Variants in FHL3 observed in about 807,000 individuals in gnomAD.
The protein encoded by FHL3 is four and a half LIM domains 3, also known as four and a half LIM domains protein 3.
Under a neutral mutation model 34.3 loss-of-function variants are expected in FHL3, and 21 were observed. The observed-to-expected ratio is 0.61, with a 90% confidence interval of 0.43 to 0.88. FHL3 has a LOEUF of 0.88. Among genes scored for constraint, FHL3 ranks in the 40% least tolerant of loss-of-function variants. FHL3 has a pLI of 0.00. For synonymous variants in FHL3, 137 were observed against 144.6 expected, an observed-to-expected ratio of 0.95 and a Z score of 0.38; for missense variants, 333 against 373.7, an observed-to-expected ratio of 0.89 and a Z score of 0.90.
In FHL3 at chr1:37,997,247, G is replaced by A; in HGVS notation, c.*158C>T. On this transcript the variant is annotated 3_prime_UTR_variant, in exon 6 of 6. Transcript: ENST00000373016. The surrounding 1 kb of genome is among the most constrained non-coding windows in gnomAD (Gnocchi z 4.3). ...CAGGTTTGGGGCCCTGGGTCAGGGA[G>A]TACCAGTTTGGGGATGCTGGAGTGG... 1 of 759,200 alleles carries A rather than the reference G, an allele frequency of 1.3e-6. No individual in the cohort carries two copies. Among genetic ancestry groups the A allele is most frequent in the Non-Finnish European group, 2.2e-6 (1 of 461,862 alleles). 47.0% of individuals were successfully genotyped at this position (759,200 alleles called of 1,614,324 possible).
At chr1:37,998,501 T>G (rs1179398764) in intron 3 of FHL3, among the ~76,000 whole-genome samples, 1 of 152,090 alleles carries the variant, frequency 6.6e-6, no homozygotes, top group Non-Finnish European at 1.5e-5. Flanking sequence ...ACCAGGCAAG[T>G]AAGTATCTGC....
rs183333076 is a variant in FHL3 at position 37,997,081 on chromosome 1, G to A, written c.*324C>T. ...GATTTAAGGGGGCCTAAGTCCCAGA[G>A]TCCAGGTTTGGAGGGCTCGGGTCTA... On this transcript the variant is annotated 3_prime_UTR_variant, in exon 6 of 6. Transcript: ENST00000373016. This position sits in a 1 kb window ranked among gnomAD's most constrained non-coding sequence, Gnocchi z 4.3. 3.8e-6 allele frequency: 1 copy of A among 263,516 alleles called. No homozygotes were observed. Among genetic ancestry groups the A allele is most frequent in the East Asian group, 8.1e-5 (1 of 12,274 alleles). 16.3% of individuals were successfully genotyped at this position (263,516 alleles called of 1,614,324 possible).
At chr1:38,000,972 G>A (rs1557763453) in intron 1 of FHL3, among the ~76,000 whole-genome samples, 1 of 152,184 alleles carries the variant, frequency 6.6e-6, no homozygotes, top group Non-Finnish European at 1.5e-5. Flanking sequence ...CAAGCTGAAG[G>A]AGAAGTCCTC....
At position 37,999,108 on chromosome 1, in the gene FHL3, A is replaced by C. The variant is rs374420389; in HGVS notation, c.197T>G (p.Phe66Cys). Residue 66 changes from phenylalanine (F) to cysteine (C), a missense_variant, in exon 3 of 6, where the codon TTC (phenylalanine) becomes TGC (cysteine). Coordinates refer to ENST00000373016, the MANE Select transcript of FHL3 (RefSeq NM_004468.5). The part of the protein sequence containing the change: ...YEDRHFHEGC[F>C]RCCRCQRSLA... Reference sequence around the variant, plus strand: ...TGAGCGCTGGCAGCGGCAGCAGCGGAAGCAGCCCTCGTGGAAATGGCGGTC... The same window carrying C: ...TGAGCGCTGGCAGCGGCAGCAGCGGCAGCAGCCCTCGTGGAAATGGCGGTC... The C allele has an allele frequency of 3.1e-6, 5 of 1,614,182 alleles. No homozygotes were observed. Among genetic ancestry groups the C allele is most frequent in the South Asian group, 2.2e-5 (2 of 91,084 alleles).
Position 37,999,113 on chromosome 1 carries a change from G to A in FHL3, c.192C>T (p.Gly64=). Residue 64 remains glycine, a synonymous_variant, in exon 3 of 6, where the codon GGC becomes GGT. Coordinates refer to ENST00000373016, the MANE Select transcript of FHL3 (RefSeq NM_004468.5). ...LFYEDRHFHE[G]CFRCCRCQRS... is the part of the protein sequence containing the mutation. ...GCTGGCAGCGGCAGCAGCGGAAGCA[G>A]CCCTCGTGGAAATGGCGGTCTTCAT... The A allele has an allele frequency of 3.7e-6, 6 of 1,614,220 alleles. No homozygotes were observed. Among genetic ancestry groups the A allele is most frequent in the Non-Finnish European group, 5.1e-6 (6 of 1,180,050 alleles).
chr1:38,004,529 C>G (rs962541592), intron 1 of FHL3, among the ~76,000 whole-genome samples: 2 of 152,192 alleles, frequency 1.3e-5, no homozygotes, highest in Non-Finnish European at 2.9e-5. Flanking sequence ...CTCAGCATCT[C>G]TGTGTCTGGG....
chr1:38,000,510 A>T, intron 1 of FHL3, among the ~76,000 whole-genome samples: 1 of 152,138 alleles, frequency 6.6e-6, no homozygotes. Context: ...CTCCCCAATC[A>T]GGCCCCATCT....
Position 37,999,077 on chromosome 1 carries a change from G to T in FHL3, c.228C>A (p.Ala76=). The T allele has an allele frequency of 1.2e-6, 2 of 1,614,210 alleles. No individual in the cohort carries two copies. Among genetic ancestry groups the T allele is most frequent in the Non-Finnish European group, 1.7e-6 (2 of 1,180,046 alleles). The stretch of plus-strand genomic sequence containing the variant: ...TGTCCTGGCAGGTGAAGGGTTCATC[G>T]GCTAGTGAGCGCTGGCAGCGGCAGC... ...FRCCRCQRSL[A]DEPFTCQDSE... is the part of the protein sequence containing the mutation. Residue 76 remains alanine, a synonymous_variant, in exon 3 of 6, where the codon GCC becomes GCA. Coordinates refer to ENST00000373016, the MANE Select transcript of FHL3 (RefSeq NM_004468.5).
Position 37,997,253 on chromosome 1 carries a change from G to T in FHL3, c.*152C>A. The T allele has an allele frequency of 1.2e-6, 1 of 807,938 alleles. No individual in the cohort carries two copies. The highest frequency in any genetic ancestry group is 2.0e-6 in the Non-Finnish European group (1 of 504,356). The allele number at this position is 807,938 out of a possible 1,614,324, so 50.0% of individuals were successfully genotyped here. A position where few individuals can be genotyped will look rare whatever the true frequency, so the allele number is the denominator to read the frequency against. On this transcript the variant is annotated 3_prime_UTR_variant, in exon 6 of 6. Coordinates refer to ENST00000373016, the MANE Select transcript of FHL3 (RefSeq NM_004468.5). This position sits in a 1 kb window ranked among gnomAD's most constrained non-coding sequence, Gnocchi z 4.3. ...TGGGGCCCTGGGTCAGGGAGTACCA[G>T]TTTGGGGATGCTGGAGTGGGGAGAC...
rs150352761 is a variant in FHL3, at chr1:37,998,838, G to A, written c.331+136C>T. ...GGAGTATACCAGGCAAACAGATCCC[G>A]TATATACTAAATTTCCAGAAACATG... On this transcript the variant is annotated intron_variant, in intron 3 of 5. Coordinates refer to ENST00000373016, the MANE Select transcript of FHL3 (RefSeq NM_004468.5). 65 of 862,972 alleles carry A rather than the reference G, an allele frequency of 7.5e-5. No homozygotes were observed. In the African/African-American group the frequency reaches 8.7e-4, roughly 12 times the overall value. 53.5% of individuals were successfully genotyped at this position (862,972 alleles called of 1,614,324 possible). A position where few individuals can be genotyped will look rare whatever the true frequency, so the allele number is the denominator to read the frequency against.
Position 37,998,029 on chromosome 1 carries a change from CTT to C in FHL3, c.433_434del (p.Lys145GlyfsTer10), listed in dbSNP as rs1557761608. On this transcript the variant is annotated frameshift_variant, in exon 4 of 6. Coordinates refer to ENST00000373016, the MANE Select transcript of FHL3 (RefSeq NM_004468.5). LOFTEE classifies it high-confidence loss of function. Reference protein sequence around the residue: ...PLGSRSFVPDKGAHYCVPCYE... With the variant: ...PLGSRSFVPDXGAHYCVPCYE... ...AGCAGGGCACGCAGTAGTGAGCACC[CTT>C]GTCGGGCACAAAAGAACGGGAGCCC... is the stretch of plus-strand genomic sequence containing the variant. 2 of 1,614,134 alleles carry C rather than the reference CTT, an allele frequency of 1.2e-6. No homozygotes were observed. Among genetic ancestry groups the C allele is most frequent in the Non-Finnish European group, 1.7e-6 (2 of 1,180,006 alleles).
rs1265747223 is a variant in FHL3, at chr1:37,997,636, C to G, written c.688+48G>C. 6.2e-7 allele frequency: 1 copy of G among 1,611,982 alleles called. No homozygotes were observed. Among genetic ancestry groups the G allele is most frequent in the South Asian group, 1.1e-5 (1 of 90,886 alleles). ...CAACCTCACCCAATACCACATCCCA[C>G]TCCCTTGCCTGCACCCTACCCACTC... On this transcript the variant is annotated intron_variant, in intron 5 of 5. Coordinates refer to ENST00000373016, the MANE Select transcript of FHL3 (RefSeq NM_004468.5). This position sits in a 1 kb window ranked among gnomAD's most constrained non-coding sequence, Gnocchi z 4.3.
At chr1:38,004,535 C>CT (rs1176893878) in intron 1 of FHL3, among the ~76,000 whole-genome samples, 1 of 152,172 alleles carries the variant, frequency 6.6e-6, no homozygotes, top group African/African-American at 2.4e-5. Flanking sequence ...ATCTCTGTGT[C>CT]TGGGCACACT....
chr1:37,999,599 C>T (rs1200266880), intron 1 of FHL3, among the ~76,000 whole-genome samples, 167 bp from the exon 2 acceptor site: 1 of 151,970 alleles, frequency 6.6e-6, no homozygotes, highest in African/African-American at 2.4e-5. Context: ...CCAGGAATCC[C>T]ACATGTTTCT....
chr1:37,997,926 G>C lies in FHL3; in HGVS notation c.501+37C>G. Reference sequence around the variant, plus strand: ...AGTGGGGATTCCCACCCCACAACAGGCCTCACTCACCCCCACCTGGCTGGC... The same window carrying C: ...AGTGGGGATTCCCACCCCACAACAGCCCTCACTCACCCCCACCTGGCTGGC... On this transcript the variant is annotated intron_variant, in intron 4 of 5. Transcript: ENST00000373016. The surrounding 1 kb of genome is among the most constrained non-coding windows in gnomAD (Gnocchi z 4.3). The C allele has an allele frequency of 2.5e-6, 4 of 1,613,992 alleles. No individual in the cohort carries two copies. Among genetic ancestry groups the C allele is most frequent in the Non-Finnish European group, 3.4e-6 (4 of 1,179,920 alleles).
chr1:38,003,546 T>C (rs1646615784), intron 1 of FHL3, among the ~76,000 whole-genome samples: 1 of 152,196 alleles, frequency 6.6e-6, no homozygotes, highest in South Asian at 2.1e-4. Context: ...AGCTTAACTC[T>C]TGAGATCTCT....
intron 1 of FHL3, among the ~76,000 whole-genome samples, chr1:38,005,085 T>C (rs1437578309): frequency 6.6e-6 from 1 of 152,096 alleles, no homozygotes; most frequent in Non-Finnish European, 1.5e-5. Context: ...TGTCTGTCTC[T>C]CTCCGGCTTT....
Position 37,997,867 on chromosome 1 carries a change from G to C in FHL3, c.505C>G (p.Leu169Val), listed in dbSNP as rs768150107. The change falls in exon 5 of 6, where the codon CTG (leucine) becomes GTG (valine). Residue 169 changes from leucine to valine, a missense_variant. Transcript: ENST00000373016. The surrounding 1 kb of genome is among the most constrained non-coding windows in gnomAD (Gnocchi z 4.3). Reference sequence around the variant, plus strand: ...CGGTATGTCACTCCACCCTGTGTCAGCGTCTGTGGGGGCAGCATCCATTAG... The same window carrying C: ...CGGTATGTCACTCCACCCTGTGTCACCGTCTGTGGGGGCAGCATCCATTAG... The part of the protein sequence containing the change: ...APRCARCSKT[L>V]TQGGVTYRDQ... 2.2e-5 allele frequency: 36 copies of C among 1,613,580 alleles called. 1 individual carries two copies. The Admixed American group carries it at 6.0e-4, about 27-fold the overall frequency.
rs774861937 is a variant in FHL3, at chr1:37,998,959, C to T, written c.331+15G>A. 6.2e-7 allele frequency: 1 copy of T among 1,611,132 alleles called. No individual in the cohort carries two copies. ...GATGCCAGTTCTCACACAAGATGAG[C>T]CCCTGAACACATACCAGGCATGACA... On this transcript the variant is annotated intron_variant, in intron 3 of 5. Transcript: ENST00000373016.
Sources: allele counts gnomAD v4.1 joint callset (sites outside exome capture counted in the v4.1 genomes callset), GRCh38; gene constraint gnomAD v4.1.1; non-coding constraint Gnocchi (gnomAD v3.1); transcripts MANE v1.5; gene names NCBI Gene and HGNC (gene_info 2026-07-23, HGNC 2026-07-21).